Variants in IGF2BP3 observed in about 807,000 individuals in gnomAD.
The protein encoded by IGF2BP3 is insulin-like growth factor 2 mRNA-binding protein 3.
Under a neutral mutation model 73.8 loss-of-function variants are expected in IGF2BP3, and 9 were observed. That is an observed-to-expected ratio of 0.12 (90% CI 0.07 to 0.21). The LOEUF (loss-of-function observed/expected upper bound fraction) is 0.21, where lower values mean the gene tolerates loss of function less well. Ranked by LOEUF, IGF2BP3 falls within the 10% of genes least tolerant of loss-of-function variation. The pLI, the probability that IGF2BP3 is intolerant of heterozygous loss-of-function variation, is 1.00. For synonymous variants in IGF2BP3, 258 were observed against 256.7 expected (o/e 1.01, Z -0.05); for missense variants, 542 against 714.0 (o/e 0.76, Z 2.75).
At chr7:23,384,093 C>T (rs939096085) in intron 3 of IGF2BP3, among the ~76,000 whole-genome samples, 2 of 97,474 alleles carry the variant, frequency 2.1e-5, no homozygotes, top group African/African-American at 5.3e-5. Flanking sequence ...AAGACTCCAT[C>T]TCAAAAAAAA....
At chr7:23,424,442 A>G (rs1294170756) in intron 2 of IGF2BP3, among the ~76,000 whole-genome samples, 1 of 152,154 alleles carries the variant, frequency 6.6e-6, no homozygotes, top group East Asian at 1.9e-4. Context: ...CATTGCAGTG[A>G]GCCGAGATCG....
At chr7:23,437,916 T>G (rs942872984) in intron 2 of IGF2BP3, among the ~76,000 whole-genome samples, 1 of 152,174 alleles carries the variant, frequency 6.6e-6, no homozygotes, top group African/African-American at 2.4e-5. Flanking sequence ...TTAACCAAAG[T>G]CAAAACGCAA....
intron 8 of IGF2BP3, 131 bp downstream of exon 8, chr7:23,345,808 TG>T (rs1287008502): frequency 3.8e-6 from 4 of 1,054,352 alleles, no homozygotes; most frequent in Non-Finnish European, 5.4e-6. Flanking sequence ...AAGCTGTATT[TG>T]AGAAACCATG....
chr7:23,428,408 G>A (rs1258928400), intron 2 of IGF2BP3, among the ~76,000 whole-genome samples: 1 of 151,900 alleles, frequency 6.6e-6, no homozygotes, highest in African/African-American at 2.4e-5. Context: ...GGAGGCGGAG[G>A]TTGTAGTGAG....
At position 23,470,125 on chromosome 7, in the gene IGF2BP3, G is replaced by T. The variant is rs763392662; in HGVS notation, c.-15C>A. 3.2e-6 allele frequency: 5 copies of T among 1,571,320 alleles called. No homozygotes were observed. The Admixed American group carries it at 9.5e-5, about 30-fold the overall frequency. ...AGTTTGTTCATTGTGAAGAGTGGTT[G>T]TTTAAAAAAAAATAACGAGAAAAAA... On this transcript the variant is annotated 5_prime_UTR_variant, in exon 1 of 15. Transcript: ENST00000258729.
At chr7:23,391,043 C>A (rs976474633) in intron 3 of IGF2BP3, among the ~76,000 whole-genome samples, 4 of 151,290 alleles carry the variant, frequency 2.6e-5, no homozygotes, top group African/African-American at 9.7e-5. Context: ...AAGTGATCTG[C>A]CCGTCTCGGC....
At position 23,446,931 on chromosome 7, in the gene IGF2BP3, G is replaced by A. The variant is rs142410957; in HGVS notation, c.236+21551C>T. 5.6e-3 allele frequency among the ~76,000 whole-genome samples: 853 copies of A among 152,204 alleles called. 12 individuals are homozygous for A. The highest frequency in any genetic ancestry group is 0.02 in the African/African-American group (812 of 41,522). On this transcript the variant is annotated intron_variant, in intron 2 of 14. Coordinates refer to ENST00000258729, the MANE Select transcript of IGF2BP3 (RefSeq NM_006547.3). Reference sequence around the variant, plus strand: ...AAATGCCTCACCTGGTGCCAGGCACGGTGGCTCATGCCTGTAATCCTAGCA... The same window carrying A: ...AAATGCCTCACCTGGTGCCAGGCACAGTGGCTCATGCCTGTAATCCTAGCA...
At chr7:23,427,143 C>T (rs1187890770) in intron 2 of IGF2BP3, among the ~76,000 whole-genome samples, 3 of 152,170 alleles carry the variant, frequency 2.0e-5, no homozygotes, top group Admixed American at 6.5e-5. Flanking sequence ...TATCTCAGGG[C>T]TTTCTCCAAA....
Position 23,310,927 on chromosome 7 carries a change from G to C in IGF2BP3, c.*1435C>G, listed in dbSNP as rs572738581. Reference sequence around the variant, plus strand: ...CCACCCACACCCAACACAATTGTACGTACTGGGCTTTGCTGTCAAGGAGTG... The same window carrying C: ...CCACCCACACCCAACACAATTGTACCTACTGGGCTTTGCTGTCAAGGAGTG... On this transcript the variant is annotated 3_prime_UTR_variant, in exon 15 of 15. Coordinates refer to ENST00000258729, the MANE Select transcript of IGF2BP3 (RefSeq NM_006547.3). 6.6e-6 allele frequency: 1 copy of C among 152,104 alleles called. No homozygotes were observed. Among genetic ancestry groups the C allele is most frequent in the Non-Finnish European group, 1.5e-5 (1 of 68,010 alleles). The allele number at this position is 152,104 out of a possible 1,614,324, so 9.4% of individuals were successfully genotyped here. A position where few individuals can be genotyped will look rare whatever the true frequency, so the allele number is the denominator to read the frequency against.
chr7:23,461,912 A>G (rs1210463854), intron 2 of IGF2BP3, among the ~76,000 whole-genome samples: 1 of 152,220 alleles, frequency 6.6e-6, no homozygotes, highest in African/African-American at 2.4e-5. Context: ...AATCAATAGA[A>G]TGTGACAGAA....
At chr7:23,459,216 A>G (rs546617815) in intron 2 of IGF2BP3, among the ~76,000 whole-genome samples, 2 of 152,306 alleles carry the variant, frequency 1.3e-5, no homozygotes, top group Admixed American at 6.5e-5. Flanking sequence ...CTGATCTAAC[A>G]TATCACCCAG....
chr7:23,404,183 T>A (rs777608745), intron 3 of IGF2BP3, among the ~76,000 whole-genome samples: 2 of 151,088 alleles, frequency 1.3e-5, no homozygotes, highest in African/African-American at 4.9e-5. Context: ...GCTCTGCTCA[T>A]AATCGACACA....
chr7:23,460,400 C>T (rs1202298475), intron 2 of IGF2BP3, among the ~76,000 whole-genome samples: 1 of 151,322 alleles, frequency 6.6e-6, no homozygotes, highest in Non-Finnish European at 1.5e-5. Flanking sequence ...GGCATGGTGG[C>T]GGGTGCCTGT....
intron 10 of IGF2BP3, among the ~76,000 whole-genome samples, chr7:23,341,544 C>A (rs1464233501): frequency 6.6e-6 from 1 of 152,018 alleles, no homozygotes; most frequent in Non-Finnish European, 1.5e-5. Context: ...GTGGCACACA[C>A]CTGTAATCCC....
At chr7:23,457,669 A>G (rs973415281) in intron 2 of IGF2BP3, among the ~76,000 whole-genome samples, 4 of 152,228 alleles carry the variant, frequency 2.6e-5, no homozygotes, top group Admixed American at 1.3e-4. Flanking sequence ...CACAAATTAT[A>G]AACAGTATGA....
chr7:23,337,613 A>G (rs911479498), intron 10 of IGF2BP3, among the ~76,000 whole-genome samples: 3 of 152,252 alleles, frequency 2.0e-5, no homozygotes, highest in Non-Finnish European at 4.4e-5. Flanking sequence ...AGCCAGTGGT[A>G]TGTTCTGGCC....
intron 10 of IGF2BP3, among the ~76,000 whole-genome samples, 173 bp from the exon 11 acceptor site, chr7:23,319,427 T>C (rs1253202335): frequency 1.3e-5 from 2 of 152,224 alleles, no homozygotes; most frequent in African/African-American, 4.8e-5. Context: ...GAAGATCTCA[T>C]ACAGTCATCC....
chr7:23,415,581 A>G (rs532138822), intron 3 of IGF2BP3: 11 of 267,370 alleles, frequency 4.1e-5, no homozygotes, highest in Non-Finnish European at 8.0e-5. Flanking sequence ...AGCCGGCGTC[A>G]CTGAATCAGC....
chr7:23,439,994 T>G (rs1462207504), intron 2 of IGF2BP3, among the ~76,000 whole-genome samples: 1 of 152,140 alleles, frequency 6.6e-6, no homozygotes, highest in Admixed American at 6.5e-5. Flanking sequence ...TTGAGGGAGG[T>G]GGCTCACACC....
Sources: allele counts gnomAD v4.1 joint callset (sites outside exome capture counted in the v4.1 genomes callset), GRCh38; gene constraint gnomAD v4.1.1; transcripts MANE v1.5; gene names NCBI Gene and HGNC (gene_info 2026-07-23, HGNC 2026-07-21).